The following TBC1D23 variants were observed in gnomAD, a reference collection of about 807,000 sequenced individuals.
The protein encoded by TBC1D23 is HCV non-structural protein 4A-transactivated protein 1.
Under a neutral mutation model 91.4 loss-of-function variants are expected in TBC1D23, and 55 were observed. That is an observed-to-expected ratio of 0.60 (90% CI 0.48 to 0.75). The LOEUF is 0.75. Ranked by LOEUF, TBC1D23 falls within the 30% of genes least tolerant of loss-of-function variation. The pLI, the probability that TBC1D23 is intolerant of heterozygous loss-of-function variation, is 0.00. For synonymous variants in TBC1D23, 289 were observed against 281.0 expected (o/e 1.03, Z -0.28); for missense variants, 725 against 836.1 (o/e 0.87, Z 1.64).
Position 100,321,916 on chromosome 3 carries a change from T to C in TBC1D23, c.2018+945T>C, listed in dbSNP as rs533769027. On this transcript the variant is annotated intron_variant, in intron 18 of 18. Coordinates refer to ENST00000394144, the MANE Select transcript of TBC1D23 (RefSeq NM_001199198.3). Reference sequence around the variant, plus strand: ...TTCAATTAATAATATAAAGAATATGTCATTCTAATTCTCTGTTAACACATT... The same window carrying C: ...TTCAATTAATAATATAAAGAATATGCCATTCTAATTCTCTGTTAACACATT... Among the ~76,000 whole-genome samples, 4 of 151,470 alleles carry C rather than the reference T, an allele frequency of 2.6e-5. No individual in the cohort carries two copies. The South Asian group carries it at 8.3e-4, about 32-fold the overall frequency.
chr3:100,263,709 G>T (rs763973051), intron 1 of TBC1D23, among the ~76,000 whole-genome samples: 3 of 152,210 alleles, frequency 2.0e-5, no homozygotes, highest in Non-Finnish European at 4.4e-5. Flanking sequence ...GTTATAGCCT[G>T]AAGTTTGCTG....
rs2067672932 is a variant in TBC1D23 at position 100,278,933 on chromosome 3, GCT to G, written c.54-713_54-712del. Among the ~76,000 whole-genome samples the G allele has an allele frequency of 2.0e-5, 3 of 152,210 alleles. No individual in the cohort carries two copies. The South Asian group carries it at 6.2e-4, about 32-fold the overall frequency. ...TAATACTTATTGTAGGCTAGGCACTGCTCTAGGCATGATACTGATGTAGTCAT... is the reference window on the plus strand; with the variant it reads ...TAATACTTATTGTAGGCTAGGCACTGCTAGGCATGATACTGATGTAGTCAT... On this transcript the variant is annotated intron_variant, in intron 1 of 18. Coordinates refer to ENST00000394144, the MANE Select transcript of TBC1D23 (RefSeq NM_001199198.3).
At chr3:100,290,205 A>G (rs2067777700) in intron 4 of TBC1D23, among the ~76,000 whole-genome samples, 1 of 152,190 alleles carries the variant, frequency 6.6e-6, no homozygotes, top group South Asian at 2.1e-4. Context: ...TAAACTGTGG[A>G]GCTAACCTGA....
chr3:100,301,378 A>G (rs1559810399), intron 10 of TBC1D23, among the ~76,000 whole-genome samples: 1 of 152,174 alleles, frequency 6.6e-6, no homozygotes, highest in Non-Finnish European at 1.5e-5. Flanking sequence ...ATCTTACCAG[A>G]GTGATGAGTG....
chr3:100,305,383 A>G lies in TBC1D23; in HGVS notation c.1306+495A>G, dbSNP rs1191511319. Among the ~76,000 whole-genome samples the G allele has an allele frequency of 2.0e-5, 3 of 152,196 alleles. No homozygotes were observed. In the East Asian group the frequency reaches 5.8e-4, roughly 29 times the overall value. ...TTTAATAATCTAGGAGAGTAAAATA[A>G]TTGGCAGGATCTCTGCAGGCAAGTA... On this transcript the variant is annotated intron_variant, in intron 12 of 18. Coordinates refer to ENST00000394144, the MANE Select transcript of TBC1D23 (RefSeq NM_001199198.3).
chr3:100,317,288 T>C (rs963006920), intron 16 of TBC1D23, among the ~76,000 whole-genome samples: 7 of 152,148 alleles, frequency 4.6e-5, no homozygotes, highest in African/African-American at 1.7e-4. Flanking sequence ...CTCACCTTGC[T>C]TTTTCCAGTT....
At chr3:100,322,866 T>A (rs1228791022) in intron 18 of TBC1D23, among the ~76,000 whole-genome samples, 1 of 152,186 alleles carries the variant, frequency 6.6e-6, no homozygotes, top group Non-Finnish European at 1.5e-5. Flanking sequence ...ATATTTATGG[T>A]TCTCTATTCT....
intron 17 of TBC1D23, among the ~76,000 whole-genome samples, chr3:100,319,834 A>G (rs1705819209): frequency 1.3e-5 from 2 of 152,106 alleles, no homozygotes; most frequent in African/African-American, 2.4e-5. Context: ...AAACCTTTCA[A>G]AAGAAGTCTA....
intron 15 of TBC1D23, among the ~76,000 whole-genome samples, chr3:100,312,875 C>T (rs987852763): frequency 6.6e-5 from 10 of 151,934 alleles, no homozygotes; most frequent in South Asian, 2.1e-4. Flanking sequence ...TACTTTCAGC[C>T]GGGCGCAATG....
chr3:100,302,359 A>T (rs1705448276), intron 11 of TBC1D23, 122 bp downstream of exon 11: 1 of 733,494 alleles, frequency 1.4e-6, no homozygotes, highest in Admixed American at 3.9e-5. Flanking sequence ...TGACTTGTTA[A>T]GGTCTTCTCC....
intron 12 of TBC1D23, among the ~76,000 whole-genome samples, chr3:100,305,950 A>T (rs991092654): frequency 2.2e-4 from 34 of 152,224 alleles, no homozygotes; most frequent in Admixed American, 1.9e-3. Flanking sequence ...CCCAGATTTT[A>T]GAAAATTTTT....
chr3:100,300,394 C>T (rs1395772077), intron 10 of TBC1D23, among the ~76,000 whole-genome samples: 1 of 152,116 alleles, frequency 6.6e-6, no homozygotes, highest in Non-Finnish European at 1.5e-5. Context: ...GCCATCTTAG[C>T]TCATCCATAT....
intron 8 of TBC1D23, among the ~76,000 whole-genome samples, chr3:100,297,312 T>G (rs1210363784): frequency 6.6e-6 from 1 of 152,210 alleles, no homozygotes; most frequent in Admixed American, 6.5e-5. Flanking sequence ...TAAGATCATT[T>G]TCCCTCAAAA....
intron 17 of TBC1D23, among the ~76,000 whole-genome samples, chr3:100,320,233 A>G (rs1399450732): frequency 2.0e-5 from 3 of 152,096 alleles, no homozygotes; most frequent in African/African-American, 4.8e-5. Context: ...GTATTGTATT[A>G]CTGTACATAA....
At chr3:100,317,767 A>C (rs898495856) in intron 16 of TBC1D23, among the ~76,000 whole-genome samples, 1 of 151,968 alleles carries the variant, frequency 6.6e-6, no homozygotes, top group Admixed American at 6.6e-5. Flanking sequence ...AAATTGTGTC[A>C]TATTTACATT....
At position 100,320,809 on chromosome 3, in the gene TBC1D23, G is replaced by T; in HGVS notation, c.1856G>T (p.Cys619Phe). 2 of 1,609,350 alleles carry T rather than the reference G, an allele frequency of 1.2e-6. No individual in the cohort carries two copies. The highest frequency in any genetic ancestry group is 1.7e-6 in the Non-Finnish European group (2 of 1,178,468). Reference protein sequence around the residue: ...HLLVTATHMYCLREIVSRKGL... With the variant: ...HLLVTATHMYFLREIVSRKGL... Reference sequence around the variant, plus strand: ...TTGGTTACTGCAACACATATGTACTGTTTAAGGGAGATTGTTTCACGGAAA... The same window carrying T: ...TTGGTTACTGCAACACATATGTACTTTTTAAGGGAGATTGTTTCACGGAAA... Residue 619 changes from cysteine (C) to phenylalanine (F), a missense_variant, in exon 18 of 19, where the codon TGT becomes TTT. Transcript: ENST00000394144.
chr3:100,288,696 A>G (rs943686979), intron 4 of TBC1D23, among the ~76,000 whole-genome samples: 3 of 152,234 alleles, frequency 2.0e-5, no homozygotes, highest in African/African-American at 7.2e-5. Context: ...CTGATTCATT[A>G]GATACATTCT....
intron 5 of TBC1D23, among the ~76,000 whole-genome samples, chr3:100,292,972 A>G (rs990843851): frequency 2.0e-5 from 3 of 151,932 alleles, no homozygotes; most frequent in Non-Finnish European, 4.4e-5. Flanking sequence ...GTAGTAAACT[A>G]TTTTTCTTAG....
rs145759118 is a variant in TBC1D23, at chr3:100,308,948, T to C, written c.1414-1455T>C. Reference sequence around the variant, plus strand: ...ATTTAAGAATTAATACAGCCATGCATGGTGGCTCATGCTTGTAATCCCAGC... The same window carrying C: ...ATTTAAGAATTAATACAGCCATGCACGGTGGCTCATGCTTGTAATCCCAGC... On this transcript the variant is annotated intron_variant, in intron 13 of 18. Transcript: ENST00000394144. Among the ~76,000 whole-genome samples the C allele has an allele frequency of 4.7e-3, 713 of 152,318 alleles. 2 individuals carry two copies. Among genetic ancestry groups the C allele is most frequent in the Non-Finnish European group, 6.4e-3 (433 of 68,034 alleles).
Sources: allele counts gnomAD v4.1 joint callset (sites outside exome capture counted in the v4.1 genomes callset), GRCh38; gene constraint gnomAD v4.1.1; transcripts MANE v1.5; gene names NCBI Gene and HGNC (gene_info 2026-07-23, HGNC 2026-07-21).